The following ZC3H11A variants were observed in gnomAD, a reference collection of about 807,000 sequenced individuals.
The protein encoded by ZC3H11A is zinc finger CCCH domain-containing protein 11A.
A neutral mutation model predicts 90.8 loss-of-function variants in ZC3H11A; 22 were observed. The ratio of observed to expected loss-of-function variants is 0.24; its 90% CI spans 0.17 to 0.35. The LOEUF (loss-of-function observed/expected upper bound fraction) is 0.35, where lower values mean the gene tolerates loss of function less well. Among genes scored for constraint, ZC3H11A ranks in the 10% least tolerant of loss-of-function variants. ZC3H11A has a pLI of 1.00. For missense variants in ZC3H11A, 701 were observed against 964.9 expected, an observed-to-expected ratio of 0.73 and a Z score of 3.62; for synonymous variants, 294 against 339.8, an observed-to-expected ratio of 0.87 and a Z score of 1.48.
At position 203,818,511 on chromosome 1, in the gene ZC3H11A, A is replaced by G. The variant is rs769221764; in HGVS notation, c.55-59A>G. ...TAAATTCCAGGAGCTCTTGTTATGG[A>G]TATTTTACCTAGGATGTATTTCAAT... is the stretch of plus-strand genomic sequence containing the variant. On this transcript the variant is annotated intron_variant, in intron 3 of 17. Coordinates refer to ENST00000367210, the MANE Select transcript of ZC3H11A (RefSeq NM_001376342.1). The G allele has an allele frequency of 1.6e-4, 259 of 1,607,568 alleles. 1 individual carries two copies. Among genetic ancestry groups the G allele is most frequent in the Non-Finnish European group, 2.2e-4 (253 of 1,176,604 alleles).
At chr1:203,800,811 TTA>T (rs1670337988) in intron 1 of ZC3H11A, 2 of 166,802 alleles carry the variant, frequency 1.2e-5, no homozygotes, top group Non-Finnish European at 2.6e-5. Flanking sequence ...ATGGGAAATT[TTA>T]TTGCTCTGAA....
chr1:203,812,578 A>ATTTTTTTT (rs386369376), intron 2 of ZC3H11A, among the ~76,000 whole-genome samples: 3 of 109,312 alleles, frequency 2.7e-5, no homozygotes, highest in Non-Finnish European at 5.3e-5. Flanking sequence ...GCCATTCTAA[A>ATTTTTTTT]TTTTTTTTTT....
intron 14 of ZC3H11A, among the ~76,000 whole-genome samples, chr1:203,849,336 C>G (rs1688720575): frequency 6.6e-6 from 1 of 152,228 alleles, no homozygotes; most frequent in Non-Finnish European, 1.5e-5. Context: ...TTTGTTTTTA[C>G]TGACCACATG....
chr1:203,798,223 A>C, intron 1 of ZC3H11A: 1 of 1,536,142 alleles, frequency 6.5e-7, no homozygotes, highest in Non-Finnish European at 8.7e-7. Context: ...AAGCATGATA[A>C]ATCAGCATCT....
intron 1 of ZC3H11A, chr1:203,798,076 C>G: frequency 6.5e-7 from 1 of 1,536,062 alleles, no homozygotes. Flanking sequence ...CCTCATTGGA[C>G]CAGGGCCAAC....
chr1:203,834,323 G>C (rs1335029675), intron 10 of ZC3H11A, among the ~76,000 whole-genome samples: 1 of 152,206 alleles, frequency 6.6e-6, no homozygotes, highest in Non-Finnish European at 1.5e-5. Context: ...CCAGGCTGGA[G>C]TGCAGTGGTG....
chr1:203,800,263 A>G, intron 1 of ZC3H11A: 1 of 1,062,328 alleles, frequency 9.4e-7, no homozygotes, highest in Non-Finnish European at 1.4e-6. Context: ...TGTAGTTGGC[A>G]ATCTGAATGT....
intron 5 of ZC3H11A, 110 bp downstream of exon 5, chr1:203,828,532 A>T: frequency 7.5e-7 from 1 of 1,329,536 alleles, no homozygotes; most frequent in South Asian, 1.4e-5. Context: ...AAACAGCAGA[A>T]TTATTTCCAC....
intron 2 of ZC3H11A, among the ~76,000 whole-genome samples, chr1:203,816,630 C>T (rs1676474365): frequency 2.0e-5 from 3 of 151,940 alleles, no homozygotes; most frequent in Admixed American, 6.6e-5. Context: ...GACACTGTCT[C>T]TAAAAAGAGT....
chr1:203,838,454 G>A (rs781128947), intron 11 of ZC3H11A, among the ~76,000 whole-genome samples: 1 of 152,222 alleles, frequency 6.6e-6, no homozygotes, highest in Admixed American at 6.5e-5. Flanking sequence ...AAATTAGCCA[G>A]GTGAAGTTCG....
intron 2 of ZC3H11A, among the ~76,000 whole-genome samples, chr1:203,805,226 T>G (rs1671906852): frequency 6.6e-6 from 1 of 150,432 alleles, no homozygotes; most frequent in South Asian, 2.1e-4. Context: ...CTCCGCCTCC[T>G]GGGTTCAAGC....
At position 203,819,975 on chromosome 1, in the gene ZC3H11A, G is replaced by A. The variant is rs7551455; in HGVS notation, c.174+1286G>A. The stretch of plus-strand genomic sequence containing the variant: ...GTCCAGGCTGGGCTCAGTGGCTCAC[G>A]CCTGTAATCCCAGCACTTTACTAGG... On this transcript the variant is annotated intron_variant, in intron 4 of 17. Transcript: ENST00000367210. 2.2e-3 allele frequency among the ~76,000 whole-genome samples: 329 copies of A among 151,094 alleles called. 1 individual carries two copies. The highest frequency in any genetic ancestry group is 3.6e-3 in the Non-Finnish European group (246 of 67,808).
intron 9 of ZC3H11A, among the ~76,000 whole-genome samples, chr1:203,833,475 G>A (rs1456315281): frequency 6.6e-6 from 1 of 151,750 alleles, no homozygotes; most frequent in Non-Finnish European, 1.5e-5. Context: ...AAGTTGCAAT[G>A]AGCCAAGATG....
In ZC3H11A at chr1:203,847,667, T is replaced by C. The variant is rs1353032054; in HGVS notation, c.1526T>C (p.Leu509Pro). 3.1e-6 allele frequency: 5 copies of C among 1,612,378 alleles called. No homozygotes were observed. In the South Asian group the frequency reaches 5.5e-5, roughly 18 times the overall value. Reference protein sequence around the residue: ...HEATPGARRLLRITKRTGMKE... With the variant: ...HEATPGARRLPRITKRTGMKE... ...GCCACTCCAGGGGCAAGGCGGCTGCTGCGAATCACCAAAAGAACAGGTAAC... is the reference window on the plus strand; with the variant it reads ...GCCACTCCAGGGGCAAGGCGGCTGCCGCGAATCACCAAAAGAACAGGTAAC... Residue 509 changes from leucine to proline, a missense_variant, in exon 13 of 18, where the codon CTG (leucine) becomes CCG (proline). By Grantham distance (98) the Leu-to-Pro change is moderately conservative. Coordinates refer to ENST00000367210, the MANE Select transcript of ZC3H11A (RefSeq NM_001376342.1).
chr1:203,829,371 T>A (rs1470387370), intron 5 of ZC3H11A, 80 bp from the exon 6 acceptor site: 1 of 1,421,842 alleles, frequency 7.0e-7, no homozygotes, highest in African/African-American at 1.4e-5. Flanking sequence ...ACACTATAGT[T>A]TTCATAGGTG....
At chr1:203,825,720 T>C (rs985508960) in intron 4 of ZC3H11A, among the ~76,000 whole-genome samples, 3 of 152,086 alleles carry the variant, frequency 2.0e-5, no homozygotes, top group African/African-American at 7.2e-5. Flanking sequence ...CCACCACGCC[T>C]GGCATGTGGA....
intron 4 of ZC3H11A, among the ~76,000 whole-genome samples, chr1:203,825,723 C>T (rs912247163): frequency 6.6e-6 from 1 of 152,016 alleles, no homozygotes; most frequent in Non-Finnish European, 1.5e-5. Context: ...CCACGCCTGG[C>T]ATGTGGAGGA....
intron 15 of ZC3H11A, 83 bp downstream of exon 15, chr1:203,850,109 A>G: frequency 2.3e-6 from 3 of 1,284,672 alleles, no homozygotes; most frequent in South Asian, 1.4e-5. Context: ...CTTCCTGGCA[A>G]CAATTGGGTT....
In ZC3H11A at chr1:203,837,139, AC is replaced by A. The variant is rs199778829; in HGVS notation, c.875-826del. Among the ~76,000 whole-genome samples the A allele has an allele frequency of 4.4e-3, 667 of 152,136 alleles. 7 individuals carry two copies. The highest frequency in any genetic ancestry group is 0.015 in the African/African-American group (631 of 41,490). ...GCAAACCCTTGTCTCTACTAAAAAT[AC>A]AAAAATTAACCAGGCATGGCATGTG... On this transcript the variant is annotated intron_variant, in intron 10 of 17. Coordinates refer to ENST00000367210, the MANE Select transcript of ZC3H11A (RefSeq NM_001376342.1).
Sources: gnomAD v4.1 joint callset for allele counts (sites outside exome capture counted in the v4.1 genomes callset) on GRCh38, gnomAD v4.1.1 for gene constraint, MANE v1.5 for transcripts, NCBI Gene and HGNC (gene_info 2026-07-23, HGNC 2026-07-21) for gene names.